The following CBR4 variants were observed in gnomAD, a reference collection of about 807,000 sequenced individuals.
CBR4 encodes carbonyl reductase 4, also known as 3-oxoacyl-[acyl-carrier-protein] reductase.
A neutral mutation model predicts 21.0 loss-of-function variants in CBR4; 22 were observed. The ratio of observed to expected loss-of-function variants is 1.05; its 90% CI spans 0.75 to 1.50. The LOEUF is 1.50. CBR4 is among the 40% of genes most tolerant of loss of function. CBR4 has a pLI of 0.00. For synonymous variants in CBR4, 100 were observed against 104.4 expected, an observed-to-expected ratio of 0.96 and a Z score of 0.26; for missense variants, 302 against 286.3, an observed-to-expected ratio of 1.05 and a Z score of -0.40.
intron 4 of CBR4, among the ~76,000 whole-genome samples, chr4:168,995,835 C>A (rs985839389): frequency 6.6e-6 from 1 of 152,122 alleles, no homozygotes; most frequent in South Asian, 2.1e-4. Context: ...AGATATGGAA[C>A]AGATAAAGGC....
Position 168,898,693 on chromosome 4 carries a change from G to C in CBR4, n.170-3928C>G. The C allele has an allele frequency of 6.2e-7, 1 of 1,613,554 alleles. No homozygotes were observed. The highest frequency in any genetic ancestry group is 1.7e-5 in the Admixed American group (1 of 60,022). ...TGCCAGTAACTTTCACATGTAGAGTGGCTGGAAATCCAAAGCCAAAGGTGA... is the reference window on the plus strand; with the variant it reads ...TGCCAGTAACTTTCACATGTAGAGTCGCTGGAAATCCAAAGCCAAAGGTGA... On this transcript the variant is annotated intron_variant and non_coding_transcript_variant, in intron 2 of 3. Coordinates refer to the CBR4 transcript ENST00000509108.
chr4:168,913,020 G>A (rs1759315200), intron 2 of CBR4, among the ~76,000 whole-genome samples: 1 of 152,006 alleles, frequency 6.6e-6, no homozygotes, highest in Non-Finnish European at 1.5e-5. Flanking sequence ...CATTTCATGA[G>A]AACATGGCTT....
chr4:168,976,071 T>C (rs1764362274), intron 2 of CBR4, among the ~76,000 whole-genome samples: 1 of 152,198 alleles, frequency 6.6e-6, no homozygotes, highest in Admixed American at 6.5e-5. Flanking sequence ...TGCCAACATG[T>C]TCAGCTGCAT....
chr4:168,924,464 TA>T, intron 2 of CBR4: 1 of 1,511,412 alleles, frequency 6.6e-7, no homozygotes. Context: ...TGTTCAGTCC[TA>T]ATGATGTATC....
intron 2 of CBR4, among the ~76,000 whole-genome samples, chr4:168,939,319 T>C (rs1763196952): frequency 6.6e-6 from 1 of 152,132 alleles, no homozygotes; most frequent in Non-Finnish European, 1.5e-5. Context: ...GAGCTATTTA[T>C]GACAAACCCA....
chr4:168,987,871 T>C lies in CBR4; in HGVS notation c.*2279A>G. On this transcript the variant is annotated 3_prime_UTR_variant, in exon 5 of 5. Transcript: ENST00000306193. ...AAGCAGTTACAAACCATAAATTGAA[T>C]ATGAATAAAATATGAAAAAGAGCAC... The C allele has an allele frequency of 2.0e-6, 2 of 980,922 alleles. No homozygotes were observed. The highest frequency in any genetic ancestry group is 4.7e-5 in the South Asian group (1 of 21,208). The allele number at this position is 980,922 out of a possible 1,614,324, so 60.8% of individuals were successfully genotyped here.
At chr4:168,970,219 T>C (rs1200204877) in intron 2 of CBR4, among the ~76,000 whole-genome samples, 1 of 152,210 alleles carries the variant, frequency 6.6e-6, no homozygotes, top group Non-Finnish European at 1.5e-5. Context: ...TTTTGATAAA[T>C]AAAAGGACTT....
intron 2 of CBR4, chr4:168,904,373 A>T (rs1410799881): frequency 6.2e-6 from 1 of 162,448 alleles, no homozygotes; most frequent in Non-Finnish European, 1.4e-5. Context: ...ATGTAGACAA[A>T]TGATAATTTT....
At chr4:168,960,636 T>A (rs1427761862) in intron 2 of CBR4, among the ~76,000 whole-genome samples, 1 of 152,220 alleles carries the variant, frequency 6.6e-6, no homozygotes, top group Non-Finnish European at 1.5e-5. Flanking sequence ...ATTTCCTTTT[T>A]AAAAACACCT....
intron 2 of CBR4, among the ~76,000 whole-genome samples, chr4:168,934,340 T>G (rs926555469): frequency 4.0e-4 from 15 of 37,592 alleles, no homozygotes; most frequent in Admixed American, 9.2e-4. Flanking sequence ...AGGAAAGAAA[T>G]AATAAAGATT....
At chr4:168,961,156 T>C (rs530730392) in intron 2 of CBR4, among the ~76,000 whole-genome samples, 1 of 152,316 alleles carries the variant, frequency 6.6e-6, no homozygotes, top group South Asian at 2.1e-4. Flanking sequence ...TGAAATTTTT[T>C]TTCTATGACT....
intron 4 of CBR4, chr4:169,001,033 G>A (rs1388446169): frequency 6.6e-6 from 1 of 151,972 alleles, no homozygotes; most frequent in Non-Finnish European, 1.5e-5. Context: ...CACCTAGGCT[G>A]GAGTACAATG....
At chr4:168,899,132 A>G (rs1334722340) in intron 2 of CBR4, among the ~76,000 whole-genome samples, 2 of 152,168 alleles carry the variant, frequency 1.3e-5, no homozygotes, top group African/African-American at 2.4e-5. Flanking sequence ...AAAACTTCCA[A>G]TCTTTAATCA....
In CBR4 at chr4:168,989,371, TTC is replaced by T; in HGVS notation, c.*777_*778del. On this transcript the variant is annotated 3_prime_UTR_variant, in exon 5 of 5. Transcript: ENST00000306193. ...GCTAATCCTCTTCACTTATGAGAAT[TTC>T]TCAAGAATGAGTCAAATGCGCCACA... 1 of 985,416 alleles carries T rather than the reference TTC, an allele frequency of 1.0e-6. No homozygotes were observed. Among genetic ancestry groups the T allele is most frequent in the Non-Finnish European group, 1.2e-6 (1 of 829,910 alleles). 61.0% of individuals were successfully genotyped at this position (985,416 alleles called of 1,614,324 possible).
At chr4:168,936,664 C>T (rs1377695561) in intron 2 of CBR4, among the ~76,000 whole-genome samples, 1 of 151,966 alleles carries the variant, frequency 6.6e-6, no homozygotes, top group Non-Finnish European at 1.5e-5. Flanking sequence ...CTGAATCGAT[C>T]AAGTGGAAGA....
intron 2 of CBR4, among the ~76,000 whole-genome samples, chr4:168,905,812 T>G (rs1384528757): frequency 1.2e-5 from 1 of 83,322 alleles, no homozygotes; most frequent in Non-Finnish European, 2.7e-5. Flanking sequence ...TTTTTTTTTC[T>G]TTTTTGAGAC....
At chr4:169,009,749 G>T (rs767357896) in intron 1 of CBR4, among the ~76,000 whole-genome samples, 199 bp downstream of exon 1, 5 of 152,238 alleles carry the variant, frequency 3.3e-5, no homozygotes, top group Admixed American at 3.3e-4. Flanking sequence ...CTGCGTGGCC[G>T]GCATTCTGCG....
chr4:169,001,940 C>A, intron 4 of CBR4, 131 bp downstream of exon 4: 1 of 930,540 alleles, frequency 1.1e-6, no homozygotes, highest in Non-Finnish European at 1.5e-6. Flanking sequence ...TCCCCCAGTT[C>A]ATTATTTGAT....
At chr4:168,967,414 G>A (rs1241189749) in intron 2 of CBR4, among the ~76,000 whole-genome samples, 1 of 152,136 alleles carries the variant, frequency 6.6e-6, no homozygotes, top group Non-Finnish European at 1.5e-5. Flanking sequence ...TAAATGACGA[G>A]TTGATGCGTC....
Sources: gnomAD v4.1 joint callset for allele counts (sites outside exome capture counted in the v4.1 genomes callset) on GRCh38, gnomAD v4.1.1 for gene constraint, MANE v1.5 for transcripts, NCBI Gene and HGNC (gene_info 2026-07-23, HGNC 2026-07-21) for gene names.